Variants in GUCY2F observed in about 807,000 individuals in gnomAD.
The protein encoded by GUCY2F is guanylate cyclase 2F, retinal.
GUCY2F carries 61 observed loss-of-function variants against 73.1 expected under a neutral mutation model. That is an observed-to-expected ratio of 0.83 (90% CI 0.68 to 1.03). The LOEUF is 1.03. GUCY2F is among the 50% of genes least tolerant of loss of function. The probability of loss-of-function intolerance (pLI) is 0.00; values close to 1 mark genes in which losing one functional copy is unlikely to be tolerated. For synonymous variants in GUCY2F, 331 were observed against 307.8 expected (o/e 1.08, Z -0.79); for missense variants, 912 against 854.3 (o/e 1.07, Z -0.84).
intron 17 of GUCY2F, among the ~76,000 whole-genome samples, chrX:109,377,595 C>A (rs937865669): frequency 3.6e-5 from 4 of 111,988 alleles, no homozygotes; most frequent in African/African-American, 1.3e-4. Context: ...AATAATCAGA[C>A]TGTTTCATTA....
intron 10 of GUCY2F, among the ~76,000 whole-genome samples, chrX:109,401,743 T>C (rs184970705): frequency 3.5e-4 from 39 of 110,722 alleles, no homozygotes; most frequent in Admixed American, 3.1e-3. Flanking sequence ...TAGCCCAGCA[T>C]AGGGGTCATG....
chrX:109,395,572 A>C, intron 11 of GUCY2F, 83 bp from the exon 12 acceptor site: 1 of 800,218 alleles, frequency 1.2e-6, no homozygotes, highest in Non-Finnish European at 1.9e-6. Flanking sequence ...CTTTTAGCCA[A>C]GAAGGGGGTA....
chrX:109,380,004 C>A (rs141189696), intron 17 of GUCY2F, among the ~76,000 whole-genome samples: 64 of 112,187 alleles, frequency 5.7e-4, no homozygotes, highest in African/African-American at 2.0e-3. Context: ...CCCAATTAAT[C>A]CATGTTTTTG....
chrX:109,398,730 G>T, intron 10 of GUCY2F, 32 bp from the exon 11 acceptor site: 1 of 1,176,872 alleles, frequency 8.5e-7, no homozygotes. Context: ...ATGAATGCAG[G>T]GAGGATTAAC....
At chrX:109,469,898 AC>A (rs1366070740) in intron 2 of GUCY2F, among the ~76,000 whole-genome samples, 2 of 111,375 alleles carry the variant, frequency 1.8e-5, no homozygotes, top group African/African-American at 6.5e-5. Context: ...GGAACACTAT[AC>A]TAGGTGATGT....
intron 2 of GUCY2F, among the ~76,000 whole-genome samples, chrX:109,471,197 T>C (rs1932566672): frequency 2.7e-5 from 3 of 112,075 alleles, no homozygotes; most frequent in Non-Finnish European, 5.6e-5. Context: ...CATGTTGTAA[T>C]GAAGCATTCC....
At chrX:109,389,426 ACTGTGTT>A (rs1930509891) in intron 14 of GUCY2F, among the ~76,000 whole-genome samples, 1 of 112,384 alleles carries the variant, frequency 8.9e-6, no homozygotes, top group Non-Finnish European at 1.9e-5. Flanking sequence ...CGCCAGTCAG[ACTGTGTT>A]ACTACAAGTT....
chrX:109,458,501 G>A lies in GUCY2F; in HGVS notation c.1033-4642C>T, dbSNP rs754767644. Among the ~76,000 whole-genome samples, 21 of 111,762 alleles carry A rather than the reference G, an allele frequency of 1.9e-4. No homozygotes were observed. The South Asian group carries it at 2.6e-3, about 14-fold the overall frequency. On this transcript the variant is annotated intron_variant, in intron 3 of 19. Transcript: ENST00000218006. ...AGCTGCTATTATTTGTATTTCAGAAGAGGAGCACAGGGCTCTGGAAACATT... is the reference window on the plus strand; with the variant it reads ...AGCTGCTATTATTTGTATTTCAGAAAAGGAGCACAGGGCTCTGGAAACATT...
chrX:109,452,244 T>C, intron 4 of GUCY2F, 137 bp from the exon 5 acceptor site: 1 of 467,288 alleles, frequency 2.1e-6, no homozygotes, highest in African/African-American at 2.4e-5. Flanking sequence ...TTCCATTTTT[T>C]CTCAGCACAG....
chrX:109,422,113 G>T (rs751091532), intron 8 of GUCY2F, among the ~76,000 whole-genome samples: 1 of 111,685 alleles, frequency 9.0e-6, no homozygotes, highest in Non-Finnish European at 1.9e-5. Flanking sequence ...TGAACTTTCC[G>T]GTGTAATGAA....
At chrX:109,400,955 T>A (rs771891893) in intron 10 of GUCY2F, among the ~76,000 whole-genome samples, 1 of 112,048 alleles carries the variant, frequency 8.9e-6, no homozygotes, top group South Asian at 3.7e-4. Context: ...CTTTTTGGCA[T>A]CCTTTCTCCC....
chrX:109,452,424 G>T (rs182394746), intron 4 of GUCY2F, among the ~76,000 whole-genome samples: 1 of 112,002 alleles, frequency 8.9e-6, no homozygotes, highest in East Asian at 2.8e-4. Flanking sequence ...AAGTTGGACA[G>T]CAATAGAGTT....
chrX:109,472,940 A>G (rs1223007935), intron 2 of GUCY2F, among the ~76,000 whole-genome samples: 3 of 110,901 alleles, frequency 2.7e-5, no homozygotes, highest in Non-Finnish European at 5.7e-5. Flanking sequence ...GCCCTCAGAT[A>G]CAGACATGTG....
intron 16 of GUCY2F, chrX:109,383,483 T>C (rs1930367484): frequency 2.8e-6 from 1 of 361,671 alleles, no homozygotes; most frequent in Non-Finnish European, 3.6e-6. Context: ...ATAATTTTTT[T>C]ATTAATAGAT....
At position 109,475,247 on chromosome X, in the gene GUCY2F, C is replaced by A. The variant is rs981133960; in HGVS notation, c.690G>T (p.Arg230=). 4 of 1,207,968 alleles carry A rather than the reference C, an allele frequency of 3.3e-6. No individual in the cohort carries two copies. Among genetic ancestry groups the A allele is most frequent in the Non-Finnish European group, 1.1e-6 (1 of 893,711 alleles). Residue 230 remains arginine, a synonymous_variant, in exon 2 of 20, where the codon CGG becomes CGT. Transcript: ENST00000218006. ...LTTGQDSQSM[R]KALQRIHQAD... Reference sequence around the variant, plus strand: ...CCTGGTGAATCCTCTGGAGGGCTTTCCGCATGCTTTGGCTGTCTTGTCCTG... The same window carrying A: ...CCTGGTGAATCCTCTGGAGGGCTTTACGCATGCTTTGGCTGTCTTGTCCTG...
chrX:109,466,289 G>C (rs1411436592), intron 2 of GUCY2F, among the ~76,000 whole-genome samples: 1 of 111,343 alleles, frequency 9.0e-6, no homozygotes, highest in African/African-American at 3.3e-5. Context: ...GAGTCATGTT[G>C]GTGCTCAAAA....
At position 109,431,773 on chromosome X, in the gene GUCY2F, C is replaced by A. The variant is rs1454207638; in HGVS notation, c.1702-1377G>T. On this transcript the variant is annotated intron_variant, in intron 7 of 19. Transcript: ENST00000218006. Reference sequence around the variant, plus strand: ...CCAGCTATGGCACTGCATCTGGAAACCTGCCAGAGGCAAAGGCTAATGGAA... The same window carrying A: ...CCAGCTATGGCACTGCATCTGGAAAACTGCCAGAGGCAAAGGCTAATGGAA... Among the ~76,000 whole-genome samples the A allele has an allele frequency of 1.5e-4, 16 of 109,598 alleles. No individual in the cohort carries two copies. In the Admixed American group the frequency reaches 1.6e-3, roughly 11 times the overall value.
At chrX:109,463,861 C>T (rs889001994) in intron 3 of GUCY2F, among the ~76,000 whole-genome samples, 2 of 111,952 alleles carry the variant, frequency 1.8e-5, no homozygotes, top group African/African-American at 3.3e-5. Context: ...GAGGAACCAG[C>T]TCATGAGGGC....
intron 17 of GUCY2F, among the ~76,000 whole-genome samples, chrX:109,376,668 G>C (rs1930188122): frequency 9.0e-6 from 1 of 111,608 alleles, no homozygotes; most frequent in East Asian, 2.8e-4. Context: ...TCCAGCCAAG[G>C]GACTCTTACA....
Sources: gnomAD v4.1 joint callset for allele counts (sites outside exome capture counted in the v4.1 genomes callset) on GRCh38, gnomAD v4.1.1 for gene constraint, MANE v1.5 for transcripts, NCBI Gene and HGNC (gene_info 2026-07-23, HGNC 2026-07-21) for gene names.